Variants in KLF12 observed in about 807,000 individuals in gnomAD.
The protein encoded by KLF12 is Krueppel-like factor 12.
A neutral mutation model predicts 37.8 loss-of-function variants in KLF12; 9 were observed. The observed-to-expected ratio is 0.24, with a 90% CI of 0.14 to 0.42. KLF12 has a LOEUF of 0.42. Ranked by LOEUF, KLF12 falls within the 10% of genes least tolerant of loss-of-function variation. KLF12 has a pLI of 1.00. For synonymous variants in KLF12, 208 were observed against 202.1 expected (o/e 1.03, Z -0.25); for missense variants, 411 against 516.0 (o/e 0.80, Z 1.97).
At chr13:73,743,156 T>C (rs9600159) in intron 6 of KLF12, among the ~76,000 whole-genome samples, 20,506 of 152,222 alleles carry the variant, frequency 0.13, 1,467 homozygotes, top group Middle Eastern at 0.21. Flanking sequence ...GCATGTAACA[T>C]ATCAGATGGA....
chr13:73,739,559 T>C (rs1322515174), intron 6 of KLF12, among the ~76,000 whole-genome samples: 2 of 152,126 alleles, frequency 1.3e-5, no homozygotes, highest in Non-Finnish European at 2.9e-5. Flanking sequence ...TATATCTCCA[T>C]AAAGGTTGGG....
intron 5 of KLF12, among the ~76,000 whole-genome samples, chr13:73,777,718 A>AG (rs950170561): frequency 6.8e-6 from 1 of 147,374 alleles, no homozygotes; most frequent in African/African-American, 2.5e-5. Context: ...CAAAAAAAAA[A>AG]GAAAAAAAAA....
At chr13:73,903,381 A>G (rs1464340663) in intron 3 of KLF12, among the ~76,000 whole-genome samples, 1 of 152,202 alleles carries the variant, frequency 6.6e-6, no homozygotes, top group Non-Finnish European at 1.5e-5. Context: ...AAAACAGTAC[A>G]AGGGAAATAA....
the KLF12 span, among the ~76,000 whole-genome samples, chr13:74,211,384 C>A: frequency 1.3e-5 from 2 of 152,058 alleles, no homozygotes; most frequent in Non-Finnish European, 2.9e-5. Context: ...GCATTTTAGA[C>A]CTCCCTGAAT....
chr13:73,967,578 T>C (rs532060679), intron 2 of KLF12, among the ~76,000 whole-genome samples: 1 of 152,262 alleles, frequency 6.6e-6, no homozygotes, highest in South Asian at 2.1e-4. Flanking sequence ...TTATTCTTGG[T>C]ACCAAACATG....
intron 4 of KLF12, among the ~76,000 whole-genome samples, chr13:73,825,457 G>A (rs1883785156): frequency 6.6e-6 from 1 of 152,200 alleles, no homozygotes; most frequent in African/African-American, 2.4e-5. Flanking sequence ...AGAGAGCATA[G>A]GAGGTACACA....
chr13:74,123,130 G>A (rs894289059), intron 1 of KLF12, among the ~76,000 whole-genome samples: 1 of 151,884 alleles, frequency 6.6e-6, no homozygotes, highest in African/African-American at 2.4e-5. Flanking sequence ...AAGAGTCACA[G>A]AAATAAAAAG....
chr13:73,822,110 C>T (rs1180924043), intron 4 of KLF12, among the ~76,000 whole-genome samples: 1 of 152,156 alleles, frequency 6.6e-6, no homozygotes, highest in Admixed American at 6.5e-5. Context: ...TAATTCCCAG[C>T]TGATGAGAGA....
At chr13:74,027,061 T>C (rs1221462530) in intron 1 of KLF12, among the ~76,000 whole-genome samples, 6 of 152,150 alleles carry the variant, frequency 3.9e-5, no homozygotes, top group East Asian at 1.9e-4. Flanking sequence ...AGTTAGACAG[T>C]GTTTCTCTTA....
intron 6 of KLF12, among the ~76,000 whole-genome samples, chr13:73,740,691 T>C (rs756065648): frequency 6.6e-6 from 1 of 152,196 alleles, no homozygotes; most frequent in Non-Finnish European, 1.5e-5. Flanking sequence ...AAAGCAACTA[T>C]TTAGACTTTC....
chr13:73,784,915 T>C (rs991837239), intron 5 of KLF12, among the ~76,000 whole-genome samples: 5 of 151,762 alleles, frequency 3.3e-5, no homozygotes, highest in Non-Finnish European at 7.4e-5. Context: ...AGATTACAGG[T>C]GTGAGCCACT....
the KLF12 span, among the ~76,000 whole-genome samples, chr13:74,218,965 T>G: frequency 6.0e-4 from 1 of 1,658 alleles, no homozygotes; most frequent in Non-Finnish European, 9.3e-4. Flanking sequence ...AATAAGAGTT[T>G]TTTTTTTTTT....
intron 3 of KLF12, among the ~76,000 whole-genome samples, chr13:73,863,831 G>C (rs1328054090): frequency 1.3e-5 from 2 of 152,112 alleles, no homozygotes; most frequent in African/African-American, 4.8e-5. Context: ...AGGAGGGCTT[G>C]GGGTGGAACT....
chr13:73,870,611 C>T (rs772701495), intron 3 of KLF12, among the ~76,000 whole-genome samples: 4 of 152,208 alleles, frequency 2.6e-5, no homozygotes, highest in Non-Finnish European at 5.9e-5. Flanking sequence ...CACGCCTAGA[C>T]AGTCATTCAG....
intron 5 of KLF12, among the ~76,000 whole-genome samples, chr13:73,767,183 GT>G (rs1031254136): frequency 2.0e-5 from 3 of 152,142 alleles, no homozygotes; most frequent in African/African-American, 7.2e-5. Flanking sequence ...GATATGGCAT[GT>G]TTTTTTGAGC....
chr13:73,723,546 C>T (rs952147352), intron 6 of KLF12, among the ~76,000 whole-genome samples: 9 of 152,002 alleles, frequency 5.9e-5, no homozygotes, highest in East Asian at 1.9e-4. Flanking sequence ...TTATTTTAAT[C>T]GGAATGCCTT....
chr13:73,778,518 C>A (rs1435476910), intron 5 of KLF12, among the ~76,000 whole-genome samples: 3 of 152,136 alleles, frequency 2.0e-5, no homozygotes, highest in African/African-American at 7.2e-5. Context: ...TGCCACCACG[C>A]CCCGTTAGTT....
the KLF12 span, among the ~76,000 whole-genome samples, chr13:74,283,330 TA>T: frequency 6.6e-6 from 1 of 152,320 alleles, no homozygotes; most frequent in East Asian, 1.9e-4. Flanking sequence ...AGGAAGACAT[TA>T]ATAGCATAAT....
At chr13:74,127,505 G>C (rs978630701) in intron 1 of KLF12, among the ~76,000 whole-genome samples, 1 of 152,222 alleles carries the variant, frequency 6.6e-6, no homozygotes, top group Non-Finnish European at 1.5e-5. Flanking sequence ...CACAAAAAGT[G>C]ATGCTGATGT....
Sources: gnomAD v4.1 joint callset for allele counts (sites outside exome capture counted in the v4.1 genomes callset) on GRCh38, gnomAD v4.1.1 for gene constraint, MANE v1.5 for transcripts, NCBI Gene and HGNC (gene_info 2026-07-23, HGNC 2026-07-21) for gene names.